Variants in ZSCAN5A observed in about 807,000 individuals in gnomAD.
ZSCAN5A encodes zinc finger and SCAN domain containing 5A, also known as zinc finger and SCAN domain-containing protein 5A.
ZSCAN5A carries 12 observed loss-of-function variants against 23.7 expected under a neutral mutation model. The ratio of observed to expected loss-of-function variants is 0.51; its 90% confidence interval spans 0.32 to 0.82. ZSCAN5A has a LOEUF of 0.82. ZSCAN5A is among the 40% of genes least tolerant of loss of function. The pLI is 0.03. For synonymous variants in ZSCAN5A, 257 were observed against 239.9 expected, an observed-to-expected ratio of 1.07 and a Z score of -0.66; for missense variants, 597 against 617.9, an observed-to-expected ratio of 0.97 and a Z score of 0.36.
chr19:56,253,053 T>C (rs2036460717), intron 2 of ZSCAN5A, among the ~76,000 whole-genome samples: 1 of 152,218 alleles, frequency 6.6e-6, no homozygotes, highest in Non-Finnish European at 1.5e-5. Context: ...AGCTCCGTGA[T>C]TGCAGGGCCG....
intron 2 of ZSCAN5A, among the ~76,000 whole-genome samples, chr19:56,293,127 C>G (rs2039629392): frequency 6.6e-6 from 1 of 152,164 alleles, no homozygotes; most frequent in African/African-American, 2.4e-5. Context: ...TCAGTGAAAC[C>G]CAAGACATCC....
At chr19:56,228,395 G>A (rs1319672109) in intron 2 of ZSCAN5A, 1 of 985,248 alleles carries the variant, frequency 1.0e-6, no homozygotes, top group East Asian at 1.1e-4. Context: ...TTGGTTTAGG[G>A]CCATAGAGTC....
intron 2 of ZSCAN5A, chr19:56,225,382 C>T (rs751014416): frequency 5.8e-4 from 136 of 236,116 alleles, no homozygotes; most frequent in Non-Finnish European, 7.4e-4. Context: ...TGTGCAGAGG[C>T]TGAATCAGTT....
chr19:56,275,751 C>T (rs1042524869), intron 2 of ZSCAN5A, among the ~76,000 whole-genome samples: 7 of 152,156 alleles, frequency 4.6e-5, no homozygotes, highest in Non-Finnish European at 7.3e-5. Context: ...TACTCTTATA[C>T]CAGAACTTCT....
At chr19:56,275,955 GAGTGGGTCAGCTGA>G in intron 2 of ZSCAN5A, among the ~76,000 whole-genome samples, 1 of 152,306 alleles carries the variant, frequency 6.6e-6, no homozygotes, top group South Asian at 2.1e-4. Context: ...TGATAGCAGT[GAGTGGGTCAGCTGA>G]TCTCCAGGGA....
intron 2 of ZSCAN5A, among the ~76,000 whole-genome samples, chr19:56,242,845 G>A (rs2035536677): frequency 6.6e-6 from 1 of 152,052 alleles, no homozygotes; most frequent in South Asian, 2.1e-4. Context: ...ATGGCGTGAT[G>A]TCGGCTCACT....
chr19:56,312,912 G>A (rs1471215914), intron 2 of ZSCAN5A, among the ~76,000 whole-genome samples: 2 of 152,226 alleles, frequency 1.3e-5, no homozygotes, highest in Non-Finnish European at 2.9e-5. Context: ...CAGAAATCCT[G>A]CAACCATAGT....
At chr19:56,316,722 A>C (rs1388782461), upstream of ZSCAN5A, 3 of 152,268 alleles carry the variant, frequency 2.0e-5, no homozygotes, top group African/African-American at 7.2e-5. Context: ...AGTTCATTCA[A>C]TCTTTGTTTT....
At chr19:56,255,420 C>G (rs1293589091) in intron 2 of ZSCAN5A, among the ~76,000 whole-genome samples, 1 of 152,022 alleles carries the variant, frequency 6.6e-6, no homozygotes, top group Non-Finnish European at 1.5e-5. Context: ...AGTCTGCCGC[C>G]CGCTGCTGCC....
chr19:56,320,955 T>C, intron 2 of ZSCAN5A: 1 of 742,936 alleles, frequency 1.3e-6, no homozygotes, highest in Non-Finnish European at 2.5e-6. Context: ...AAATTGTGGG[T>C]TTTGATAGCA....
chr19:56,347,662 T>C (rs1046962351), intron 2 of ZSCAN5A: 6 of 152,226 alleles, frequency 3.9e-5, no homozygotes, highest in African/African-American at 1.4e-4. Context: ...TAATAGAGTA[T>C]ACCTCCTTAT....
At chr19:56,344,879 C>T (rs560144859) in intron 2 of ZSCAN5A, among the ~76,000 whole-genome samples, 78 of 121,090 alleles carry the variant, frequency 6.4e-4, no homozygotes, top group African/African-American at 2.2e-3. Flanking sequence ...GTCCGCAGTC[C>T]GGCCTGGGCG....
At chr19:56,248,293 C>A (rs539527801) in intron 2 of ZSCAN5A, among the ~76,000 whole-genome samples, 1 of 151,584 alleles carries the variant, frequency 6.6e-6, no homozygotes, top group Non-Finnish European at 1.5e-5. Context: ...TGGGGCCTCA[C>A]TCTTTCACCC....
rs572306145 is a variant in ZSCAN5A at position 56,224,567 on chromosome 19, C to G, written c.384+96G>C. On this transcript the variant is annotated intron_variant, in intron 3 of 5. Coordinates refer to ENST00000683990, the MANE Select transcript of ZSCAN5A (RefSeq NM_001322064.3). ...CTCTCCTCTACTTGGAAGCCCTGAC[C>G]TAGAGCAGCCCCTCGGGTCCTCTCG... 18 of 1,476,642 alleles carry G rather than the reference C, an allele frequency of 1.2e-5. No individual in the cohort carries two copies. The South Asian group carries it at 2.5e-4, about 20-fold the overall frequency. 91.5% of individuals were successfully genotyped at this position (1,476,642 alleles called of 1,614,324 possible).
In ZSCAN5A at chr19:56,222,606, G is replaced by T; in HGVS notation, c.724C>A (p.Leu242Ile). ...TCATACTCACTGGGACTCTTTGGAAGCTGAGGCTCTGGGGATGTCAGTCCT... is the reference window on the plus strand; with the variant it reads ...TCATACTCACTGGGACTCTTTGGAATCTGAGGCTCTGGGGATGTCAGTCCT... ...NPGLTSPEPQ[L>I]PKSPTDLVRA... The change falls in exon 5 of 6, where the codon CTT becomes ATT. Residue 242 changes from leucine to isoleucine, a missense_variant. Leu to Ile is a conservative substitution (Grantham distance 5, BLOSUM62 2). This residue lies in a region of ZSCAN5A where 406 missense variants were observed against 353.2 expected (regional missense o/e 1.15). Coordinates refer to ENST00000683990, the MANE Select transcript of ZSCAN5A (RefSeq NM_001322064.3). The T allele has an allele frequency of 6.2e-7, 1 of 1,614,192 alleles. No homozygotes were observed. The highest frequency in any genetic ancestry group is 1.1e-5 in the South Asian group (1 of 91,080).
In ZSCAN5A at chr19:56,355,827, A is replaced by T. The variant is rs760524960; in HGVS notation, c.-358+7408T>A. Among the ~76,000 whole-genome samples, 19 of 148,812 alleles carry T rather than the reference A, an allele frequency of 1.3e-4. 3 individuals carry two copies. The highest frequency in any genetic ancestry group is 2.1e-4 in the Non-Finnish European group (14 of 67,264). Reference sequence around the variant, plus strand: ...TATGTTTAGGTATTAAGCACCTATTATGGGTCAAGGTTTGAATCAGGATTG... The same window carrying T: ...TATGTTTAGGTATTAAGCACCTATTTTGGGTCAAGGTTTGAATCAGGATTG... On this transcript the variant is annotated intron_variant, in intron 2 of 6. Transcript: ENST00000587340.
chr19:56,304,706 T>C, intron 2 of ZSCAN5A: 3 of 767,184 alleles, frequency 3.9e-6, no homozygotes, highest in Non-Finnish European at 4.8e-6. Context: ...GAGAGGGGGA[T>C]GGGGAGAAAG....
At chr19:56,236,979 T>A (rs1185194328) in intron 2 of ZSCAN5A, among the ~76,000 whole-genome samples, 1 of 152,258 alleles carries the variant, frequency 6.6e-6, no homozygotes, top group Non-Finnish European at 1.5e-5. Context: ...CACGTCAGCC[T>A]CTGACTGGTC....
At chr19:56,362,651 C>T (rs1326930036) in intron 2 of ZSCAN5A, among the ~76,000 whole-genome samples, 3 of 152,068 alleles carry the variant, frequency 2.0e-5, no homozygotes, top group African/African-American at 4.8e-5. Context: ...GGGCAGATCA[C>T]GAGGTCAGGA....
Sources: allele counts gnomAD v4.1 joint callset (sites outside exome capture counted in the v4.1 genomes callset), GRCh38; gene constraint gnomAD v4.1.1; regional missense constraint gnomAD v4.1.1; transcripts MANE v1.5; gene names NCBI Gene and HGNC (gene_info 2026-07-23, HGNC 2026-07-21).